Variants in ARID2 observed in about 807,000 individuals in gnomAD.
ARID2 encodes AT-rich interaction domain 2.
A neutral mutation model predicts 184.6 loss-of-function variants in ARID2; 32 were observed. The observed-to-expected ratio is 0.17, with a 90% confidence interval of 0.13 to 0.23. The LOEUF (loss-of-function observed/expected upper bound fraction) is 0.23, where lower values mean the gene tolerates loss of function less well. Among genes scored for constraint, ARID2 ranks in the 10% least tolerant of loss-of-function variants. The pLI, the probability that ARID2 is intolerant of heterozygous loss-of-function variation, is 1.00. For missense variants in ARID2, 1,696 were observed against 2,197.6 expected, an observed-to-expected ratio of 0.77 and a Z score of 4.56; for synonymous variants, 836 against 772.6, an observed-to-expected ratio of 1.08 and a Z score of -1.36.
chr12:45,763,668 T>G (rs936056071), intron 3 of ARID2, among the ~76,000 whole-genome samples: 1 of 152,100 alleles, frequency 6.6e-6, no homozygotes, highest in African/African-American at 2.4e-5. Flanking sequence ...TTTAAAATTT[T>G]TTTGTAGACA....
intron 6 of ARID2, among the ~76,000 whole-genome samples, chr12:45,824,789 G>T (rs2138103918): frequency 6.6e-6 from 1 of 151,500 alleles, no homozygotes; most frequent in African/African-American, 2.4e-5. Context: ...GTGCATTGCA[G>T]CATTATTCAC....
chr12:45,846,969 C>G (rs1192162979), intron 12 of ARID2, 32 bp downstream of exon 12: 3 of 1,591,430 alleles, frequency 1.9e-6, no homozygotes, highest in Non-Finnish European at 2.6e-6. Context: ...AGGATTTATC[C>G]TTGGGAGGAG....
chr12:45,731,363 G>T, intron 3 of ARID2, 49 bp downstream of exon 3: 1 of 1,389,748 alleles, frequency 7.2e-7, no homozygotes, highest in South Asian at 1.2e-5. Flanking sequence ...GGGACTTATG[G>T]AGAGATTTGT....
chr12:45,735,385 CATGT>C (rs1202181776), intron 3 of ARID2, among the ~76,000 whole-genome samples: 1 of 149,558 alleles, frequency 6.7e-6, no homozygotes, highest in African/African-American at 2.5e-5. Context: ...GTTATTCATG[CATGT>C]ATTTCAAATT....
intron 15 of ARID2, among the ~76,000 whole-genome samples, chr12:45,856,967 T>C (rs750965623): frequency 6.6e-6 from 1 of 152,194 alleles, no homozygotes; most frequent in Non-Finnish European, 1.5e-5. Flanking sequence ...TGAATTGGTA[T>C]CTGTTGGAAA....
At chr12:45,791,571 A>T (rs1251981687) in intron 3 of ARID2, among the ~76,000 whole-genome samples, 2 of 151,904 alleles carry the variant, frequency 1.3e-5, no homozygotes, top group African/African-American at 2.4e-5. Context: ...TTATTTTTGG[A>T]AAAGTATATG....
intron 3 of ARID2, among the ~76,000 whole-genome samples, chr12:45,768,179 G>A (rs1179111043): frequency 6.6e-6 from 1 of 152,102 alleles, no homozygotes; most frequent in African/African-American, 2.4e-5. Flanking sequence ...CCTAGTTGGA[G>A]GGTATCTTTC....
chr12:45,879,218 G>A (rs1944061020), intron 16 of ARID2, among the ~76,000 whole-genome samples: 1 of 152,084 alleles, frequency 6.6e-6, no homozygotes, highest in Non-Finnish European at 1.5e-5. Context: ...TCCTGTGTAA[G>A]ACGAAAAGTC....
intron 3 of ARID2, among the ~76,000 whole-genome samples, chr12:45,778,111 G>A (rs1339598794): frequency 6.6e-6 from 1 of 152,110 alleles, no homozygotes; most frequent in Non-Finnish European, 1.5e-5. Context: ...GGGGGCCGGG[G>A]CAGTGGAATC....
rs2138153867 is a variant in ARID2 at position 45,848,817 on chromosome 12, A to T, written c.1581-19A>T. 2 of 1,603,296 alleles carry T rather than the reference A, an allele frequency of 1.2e-6. No individual in the cohort carries two copies. The highest frequency in any genetic ancestry group is 3.5e-4 in the Middle Eastern group (2 of 5,766). On this transcript the variant is annotated intron_variant, in intron 12 of 20. Transcript: ENST00000334344. ...TCCTAGAGTATATTGTATAATGCTT[A>T]ATTTTTCTCCTCTTTTAGGCTAAAT... is the stretch of plus-strand genomic sequence containing the variant.
chr12:45,832,215 A>T (rs1243735827), intron 6 of ARID2, among the ~76,000 whole-genome samples: 2 of 152,194 alleles, frequency 1.3e-5, no homozygotes, highest in African/African-American at 2.4e-5. Context: ...TTGTCTGAGC[A>T]CTTTAAAGAT....
In ARID2 at chr12:45,851,893, A is replaced by G. The variant is rs760045597; in HGVS notation, c.3770A>G (p.His1257Arg). The G allele has an allele frequency of 1.4e-5, 22 of 1,614,096 alleles. No individual in the cohort carries two copies. In the Middle Eastern group the frequency reaches 4.9e-4, roughly 36 times the overall value. The change falls in exon 15 of 21, where the codon CAT (histidine) becomes CGT (arginine). Residue 1257 changes from histidine to arginine, a missense_variant. His to Arg is a conservative substitution (Grantham distance 29). Coordinates refer to ENST00000334344, the MANE Select transcript of ARID2 (RefSeq NM_152641.4). ...GAAGCAAAGGAAGCAACAGGTTTAC[A>G]TGTTCATGAACGTAAAATTGAAGTC... Reference protein sequence around the residue: ...EEEAKEATGLHVHERKIEVME... With the variant: ...EEEAKEATGLRVHERKIEVME...
Position 45,904,957 on chromosome 12 carries a change from A to G in ARID2, c.5387A>G (p.Asn1796Ser). The change falls in exon 21 of 21, where the codon AAC (asparagine) becomes AGC (serine). Residue 1796 changes from asparagine to serine, a missense_variant. By Grantham distance (46) the Asn-to-Ser change is conservative (BLOSUM62 1). Transcript: ENST00000334344. ...GRRLLKRHEN[N>S]LSVLAISNME... ...AGATTGTTAAAGAGACATGAAAATAACTTATCAGTGCTAGCCATTAGTAAC... is the reference window on the plus strand; with the variant it reads ...AGATTGTTAAAGAGACATGAAAATAGCTTATCAGTGCTAGCCATTAGTAAC... 1.9e-6 allele frequency: 3 copies of G among 1,613,936 alleles called. No individual in the cohort carries two copies. The highest frequency in any genetic ancestry group is 2.5e-6 in the Non-Finnish European group (3 of 1,179,960).
intron 3 of ARID2, among the ~76,000 whole-genome samples, chr12:45,758,294 A>G (rs974735223): frequency 6.6e-6 from 1 of 152,274 alleles, no homozygotes; most frequent in South Asian, 2.1e-4. Flanking sequence ...CTTGTCCAAC[A>G]TGCAGCCCCG....
chr12:45,898,218 C>T (rs559109534), intron 20 of ARID2, among the ~76,000 whole-genome samples: 1 of 152,216 alleles, frequency 6.6e-6, no homozygotes, highest in South Asian at 2.1e-4. Context: ...TTATGAGATA[C>T]CTAGAAGAGT....
intron 3 of ARID2, among the ~76,000 whole-genome samples, chr12:45,776,875 C>G (rs1222484740): frequency 6.6e-6 from 1 of 151,076 alleles, no homozygotes; most frequent in African/African-American, 2.4e-5. Context: ...CTCTGCCTCC[C>G]AGGTTCAAGC....
At chr12:45,768,130 G>A (rs1941805822) in intron 3 of ARID2, among the ~76,000 whole-genome samples, 1 of 152,152 alleles carries the variant, frequency 6.6e-6, no homozygotes, top group African/African-American at 2.4e-5. Flanking sequence ...ACTCCAGACT[G>A]GTGCAGCCAA....
At chr12:45,838,071 C>G (rs554656738) in intron 10 of ARID2, among the ~76,000 whole-genome samples, 1 of 152,106 alleles carries the variant, frequency 6.6e-6, no homozygotes, top group South Asian at 2.1e-4. Flanking sequence ...TCTGTTGTTA[C>G]GTATTAAATT....
At chr12:45,745,817 G>A (rs1941344662) in intron 3 of ARID2, among the ~76,000 whole-genome samples, 1 of 152,084 alleles carries the variant, frequency 6.6e-6, no homozygotes, top group Admixed American at 6.5e-5. Context: ...CCAAAGTGCT[G>A]GGATTACAGG....
Sources: gnomAD v4.1 joint callset for allele counts (sites outside exome capture counted in the v4.1 genomes callset) on GRCh38, gnomAD v4.1.1 for gene constraint, MANE v1.5 for transcripts, NCBI Gene and HGNC (gene_info 2026-07-23, HGNC 2026-07-21) for gene names.